The following KIF22 variants were observed in gnomAD, a reference collection of about 807,000 sequenced individuals.
KIF22 encodes kinesin-like protein KIF22.
A neutral mutation model predicts 73.0 loss-of-function variants in KIF22; 62 were observed. The ratio of observed to expected loss-of-function variants is 0.85; its 90% CI spans 0.69 to 1.05. The LOEUF is 1.05. Among genes scored for constraint, KIF22 ranks in the 50% least tolerant of loss-of-function variants. The pLI is 0.00. For missense variants in KIF22, 854 were observed against 870.1 expected, an observed-to-expected ratio of 0.98 and a Z score of 0.23; for synonymous variants, 411 against 340.1, an observed-to-expected ratio of 1.21 and a Z score of -2.29.
In KIF22 at chr16:29,793,556, C is replaced by T. The variant is rs192313934; in HGVS notation, c.70+2727C>T. Among the ~76,000 whole-genome samples the T allele has an allele frequency of 9.2e-5, 14 of 152,218 alleles. No homozygotes were observed. In the East Asian group the frequency reaches 2.1e-3, roughly 23 times the overall value. ...TACTGAAGCCAAGAGGGCGGGTGACCTGCCTATGAAATGAATCTGAGTGGT... is the reference window on the plus strand; with the variant it reads ...TACTGAAGCCAAGAGGGCGGGTGACTTGCCTATGAAATGAATCTGAGTGGT... On this transcript the variant is annotated intron_variant, in intron 1 of 13. Transcript: ENST00000160827.
chr16:29,805,036 C>T lies in KIF22; in HGVS notation c.1890+10C>T, dbSNP rs756993456. 2.9e-5 allele frequency: 46 copies of T among 1,610,322 alleles called. No individual in the cohort carries two copies. The South Asian group carries it at 4.8e-4, about 17-fold the overall frequency. On this transcript the variant is annotated intron_variant, in intron 12 of 13. Coordinates refer to ENST00000160827, the MANE Select transcript of KIF22 (RefSeq NM_007317.3). The stretch of plus-strand genomic sequence containing the variant: ...CGGCCCCTTCAGCCAGGTAGCAGCC[C>T]ACTGGACTGGGGGAGGGCGGGGGCG...
At chr16:29,805,233 G>A (rs1384391074) in intron 13 of KIF22, 30 bp from the exon 14 acceptor site, 3 of 1,613,932 alleles carry the variant, frequency 1.9e-6, no homozygotes, top group South Asian at 2.2e-5. Context: ...CCTCTCTAAC[G>A]TCGCTGTCTC....
At chr16:29,794,626 G>C (rs962624408) in intron 1 of KIF22, among the ~76,000 whole-genome samples, 1 of 151,916 alleles carries the variant, frequency 6.6e-6, no homozygotes, top group African/African-American at 2.4e-5. Context: ...CTGTCACCCA[G>C]GCTGGAGTGC....
chr16:29,796,055 G>C (rs551526623), intron 1 of KIF22, among the ~76,000 whole-genome samples: 1 of 152,116 alleles, frequency 6.6e-6, no homozygotes, highest in South Asian at 2.1e-4. Flanking sequence ...CAGATCACTT[G>C]AGGTCAGGAA....
In KIF22 at chr16:29,797,193, C is replaced by A; in HGVS notation, c.266+105C>A. On this transcript the variant is annotated intron_variant, in intron 2 of 13. Transcript: ENST00000160827. This position sits in a 1 kb window ranked among gnomAD's most constrained non-coding sequence, Gnocchi z 4.1. Reference sequence around the variant, plus strand: ...GATCCTTGCTCCCTCCTTAGCACCGCTTTGTTCCCTGAGCCTTCACTGTTC... The same window carrying A: ...GATCCTTGCTCCCTCCTTAGCACCGATTTGTTCCCTGAGCCTTCACTGTTC... 1 of 822,002 alleles carries A rather than the reference C, an allele frequency of 1.2e-6. No homozygotes were observed. The highest frequency in any genetic ancestry group is 3.0e-4 in the Middle Eastern group (1 of 3,324). 50.9% of individuals were successfully genotyped at this position (822,002 alleles called of 1,614,324 possible).
chr16:29,804,700 A>G, intron 11 of KIF22, 114 bp from the exon 12 acceptor site: 1 of 825,598 alleles, frequency 1.2e-6, no homozygotes, highest in South Asian at 1.4e-5. Context: ...ACACTTGACA[A>G]GAGAGGAAGA....
At chr16:29,792,401 T>C (rs1898841189) in intron 1 of KIF22, 1 of 985,242 alleles carries the variant, frequency 1.0e-6, no homozygotes, top group Non-Finnish European at 1.2e-6. Context: ...CGTGAGCCAT[T>C]TTCATGATGG....
intron 8 of KIF22, chr16:29,800,313 C>T (rs572619049): frequency 4.5e-4 from 121 of 268,920 alleles, no homozygotes; most frequent in East Asian, 1.9e-3. Context: ...AAAAAGTAGC[C>T]GGATGTGGTG....
In KIF22 at chr16:29,798,284, C is replaced by G; in HGVS notation, c.267-90C>G. The G allele has an allele frequency of 6.7e-7, 1 of 1,498,426 alleles. No homozygotes were observed. The highest frequency in any genetic ancestry group is 9.0e-7 in the Non-Finnish European group (1 of 1,114,250). 92.8% of individuals were successfully genotyped at this position (1,498,426 alleles called of 1,614,324 possible). A position where few individuals can be genotyped will look rare whatever the true frequency, so the allele number is the denominator to read the frequency against. ...CAAGGTCCAGATGAGAGTAGAATCCCTTACCCACCCCCACCCCACTCCACC... is the reference window on the plus strand; with the variant it reads ...CAAGGTCCAGATGAGAGTAGAATCCGTTACCCACCCCCACCCCACTCCACC... On this transcript the variant is annotated intron_variant, in intron 2 of 13. Coordinates refer to ENST00000160827, the MANE Select transcript of KIF22 (RefSeq NM_007317.3). The surrounding 1 kb of genome is among the most constrained non-coding windows in gnomAD (Gnocchi z 4.1).
chr16:29,798,329 CA>C lies in KIF22; in HGVS notation c.267-44del. On this transcript the variant is annotated intron_variant, in intron 2 of 13. Transcript: ENST00000160827. This position sits in a 1 kb window ranked among gnomAD's most constrained non-coding sequence, Gnocchi z 4.1. ...TCCACCCCTTACACACACACACACA[CA>C]CACACACACACACACACGCTAATTT... 1.3e-6 allele frequency: 2 copies of C among 1,556,176 alleles called. No homozygotes were observed. The highest frequency in any genetic ancestry group is 1.1e-5 in the South Asian group (1 of 88,874).
chr16:29,804,564 TG>T, intron 11 of KIF22: 1 of 683,230 alleles, frequency 1.5e-6, no homozygotes, highest in Non-Finnish European at 2.7e-6. Flanking sequence ...TTAACTCACT[TG>T]ATCTCCACAG....
intron 11 of KIF22, 105 bp downstream of exon 11, chr16:29,804,170 G>C: frequency 1.1e-6 from 1 of 879,020 alleles, no homozygotes; most frequent in East Asian, 2.4e-5. Context: ...ACTGGATGAT[G>C]GCCGCCAGCT....
At chr16:29,801,116 G>A (rs1208263851) in intron 8 of KIF22, among the ~76,000 whole-genome samples, 1 of 152,140 alleles carries the variant, frequency 6.6e-6, no homozygotes, top group African/African-American at 2.4e-5. Context: ...GCCAGCTGCT[G>A]TCCTAACTGC....
intron 13 of KIF22, 34 bp from the exon 14 acceptor site, chr16:29,805,229 T>C: frequency 1.2e-6 from 2 of 1,614,032 alleles, no homozygotes. Flanking sequence ...CGCCCCTCTC[T>C]AACGTCGCTG....
Position 29,796,097 on chromosome 16 carries a change from C to T in KIF22, c.71-796C>T, listed in dbSNP as rs190716281. ...ACCAGCCTGGCCAACATGGTGAAAC[C>T]CTGTTTCTACTGAAGATACAAAAAC... On this transcript the variant is annotated intron_variant, in intron 1 of 13. Transcript: ENST00000160827. 9.0e-4 allele frequency among the ~76,000 whole-genome samples: 137 copies of T among 151,770 alleles called. 1 individual carries two copies. The highest frequency in any genetic ancestry group is 3.0e-3 in the African/African-American group (124 of 41,368).
rs142915099 is a variant in KIF22, at chr16:29,797,540, G to A, written c.266+452G>A. On this transcript the variant is annotated intron_variant, in intron 2 of 13. Transcript: ENST00000160827. The surrounding 1 kb of genome is among the most constrained non-coding windows in gnomAD (Gnocchi z 4.1). ...AACTCCTTGGCCTGTTTTTCTAGGC[G>A]GGGGCTGGCAAACCATGGCCTGCAG... Among the ~76,000 whole-genome samples, 2,080 of 152,244 alleles carry A rather than the reference G, an allele frequency of 0.014. 20 individuals are homozygous for A. Among genetic ancestry groups the A allele is most frequent in the Non-Finnish European group, 0.021 (1,399 of 68,008 alleles).
At position 29,790,794 on chromosome 16, in the gene KIF22, G is replaced by T. The variant is rs753183645; in HGVS notation, c.35G>T (p.Arg12Leu). Residue 12 changes from arginine (R) to leucine (L), a missense_variant, in exon 1 of 14, where the codon CGC becomes CTC. By Grantham distance (102) the Arg-to-Leu change is moderately radical (BLOSUM62 -2). Transcript: ENST00000160827. ...AAGGSTQQRRREMAAASAAAI... is the reference protein window; with the variant it reads ...AAGGSTQQRRLEMAAASAAAI... ...GGCGGCTCGACGCAGCAGAGGCGAC[G>T]CGAGATGGCGGCAGCTTCAGCGGCG... 1.6e-5 allele frequency: 25 copies of T among 1,604,206 alleles called. No individual in the cohort carries two copies. The highest frequency in any genetic ancestry group is 2.0e-5 in the Non-Finnish European group (24 of 1,175,542).
rs748823568 is a variant in KIF22, at chr16:29,799,454, G to C, written c.950G>C (p.Arg317Pro). The change falls in exon 6 of 14, where the codon CGT becomes CCT. Residue 317 changes from arginine (R) to proline (P), a missense_variant. Transcript: ENST00000160827. The part of the protein sequence containing the change: ...VVDALNQGLP[R>P]VPYRDSKLTR... ...GATGCGCTGAATCAGGGCCTCCCTC[G>C]TGTACCTTATCGGGACAGCAAGCTC... The C allele has an allele frequency of 3.7e-6, 6 of 1,614,172 alleles. No individual in the cohort carries two copies. Among genetic ancestry groups the C allele is most frequent in the Non-Finnish European group, 4.2e-6 (5 of 1,180,042 alleles).
chr16:29,797,055 A>C lies in KIF22; in HGVS notation c.233A>C (p.Asn78Thr). Residue 78 changes from asparagine to threonine, a missense_variant, in exon 2 of 14, where the codon AAC becomes ACC. Physicochemically the swap from Asn to Thr is moderately conservative, Grantham distance 65 (BLOSUM62 0). Coordinates refer to ENST00000160827, the MANE Select transcript of KIF22 (RefSeq NM_007317.3). The surrounding 1 kb of genome is among the most constrained non-coding windows in gnomAD (Gnocchi z 4.1). ...GMDSCSLEIA[N>T]WRNHQETLKY... ...GACAGCTGCTCTCTAGAGATTGCTA[A>C]CTGGAGGAACCACCAGGAGACTCTC... 1.2e-6 allele frequency: 2 copies of C among 1,603,280 alleles called. No individual in the cohort carries two copies. The highest frequency in any genetic ancestry group is 1.7e-6 in the Non-Finnish European group (2 of 1,172,996).
Sources: gnomAD v4.1 joint callset for allele counts (sites outside exome capture counted in the v4.1 genomes callset) on GRCh38, gnomAD v4.1.1 for gene constraint, Gnocchi (gnomAD v3.1) non-coding constraint, MANE v1.5 for transcripts, NCBI Gene and HGNC (gene_info 2026-07-23, HGNC 2026-07-21) for gene names.